The following DGKI variants were observed in gnomAD, a reference collection of about 807,000 sequenced individuals.
DGKI encodes the protein diacylglycerol kinase iota, also known as DAG kinase iota.
DGKI carries 55 observed loss-of-function variants against 147.5 expected under a neutral mutation model. The ratio of observed to expected loss-of-function variants is 0.37; its 90% CI spans 0.30 to 0.47. The LOEUF (loss-of-function observed/expected upper bound fraction) is 0.47, where lower values mean the gene tolerates loss of function less well. Ranked by LOEUF, DGKI falls within the 20% of genes least tolerant of loss-of-function variation. The pLI, the probability that DGKI is intolerant of heterozygous loss-of-function variation, is 1.00. For missense variants in DGKI, 1,007 were observed against 1,323.8 expected (o/e 0.76, Z 3.71); for synonymous variants, 469 against 477.1 (o/e 0.98, Z 0.22).
intron 1 of DGKI, among the ~76,000 whole-genome samples, chr7:137,798,188 G>A (rs1797090410): frequency 6.6e-6 from 1 of 152,128 alleles, no homozygotes; most frequent in South Asian, 2.1e-4. Flanking sequence ...CAAAGAGACT[G>A]AATTAGTAAT....
At chr7:137,482,762 T>C (rs1180300925) in intron 23 of DGKI, among the ~76,000 whole-genome samples, 2 of 152,044 alleles carry the variant, frequency 1.3e-5, no homozygotes, top group African/African-American at 4.8e-5. Flanking sequence ...TAACACAGTC[T>C]CTTTTTCTTT....
intron 27 of DGKI, among the ~76,000 whole-genome samples, chr7:137,449,103 T>C (rs1051746577): frequency 2.9e-4 from 44 of 152,138 alleles, no homozygotes; most frequent in African/African-American, 1.0e-3. Flanking sequence ...CCTATAAAAA[T>C]ACCAAAGACA....
At chr7:137,580,728 C>G (rs996562427) in intron 15 of DGKI, among the ~76,000 whole-genome samples, 1 of 152,098 alleles carries the variant, frequency 6.6e-6, no homozygotes, top group African/African-American at 2.4e-5. Context: ...CTCTTGACTT[C>G]TAGTGCATAA....
At chr7:137,682,175 G>A (rs1258717502) in intron 2 of DGKI, among the ~76,000 whole-genome samples, 2 of 152,032 alleles carry the variant, frequency 1.3e-5, no homozygotes, top group East Asian at 3.9e-4. Context: ...TGCAACTGAT[G>A]TCAGAAGACA....
At chr7:137,508,565 T>C (rs1455145477) in intron 21 of DGKI, among the ~76,000 whole-genome samples, 2 of 152,226 alleles carry the variant, frequency 1.3e-5, no homozygotes, top group Middle Eastern at 3.4e-3. Context: ...GAACACTTGT[T>C]TCTTAGAGCA....
chr7:137,420,624 GA>G (rs544947554), intron 28 of DGKI, among the ~76,000 whole-genome samples: 39 of 143,500 alleles, frequency 2.7e-4, no homozygotes, highest in African/African-American at 4.3e-4. Flanking sequence ...TTTTGGAGAA[GA>G]AAAAAAAAAA....
chr7:137,834,445 T>C (rs1451478787), intron 1 of DGKI, among the ~76,000 whole-genome samples: 4 of 152,210 alleles, frequency 2.6e-5, no homozygotes, highest in Non-Finnish European at 4.4e-5. Flanking sequence ...AGCACCACAA[T>C]GGGAATAACC....
At chr7:137,698,597 T>G (rs1823873939) in intron 1 of DGKI, among the ~76,000 whole-genome samples, 1 of 152,094 alleles carries the variant, frequency 6.6e-6, no homozygotes, top group African/African-American at 2.4e-5. Context: ...GGGGCTCAGA[T>G]GTGGACCAGC....
chr7:137,669,191 C>T (rs1220690784), intron 3 of DGKI, among the ~76,000 whole-genome samples: 1 of 152,164 alleles, frequency 6.6e-6, no homozygotes, highest in Non-Finnish European at 1.5e-5. Flanking sequence ...GGCATCAATG[C>T]AGGATTTTCC....
At chr7:137,578,112 T>G (rs560470719) in intron 16 of DGKI, among the ~76,000 whole-genome samples, 158 bp downstream of exon 16, 1 of 152,318 alleles carries the variant, frequency 6.6e-6, no homozygotes, top group South Asian at 2.1e-4. Flanking sequence ...TACACCTCAC[T>G]TTCATTCTTA....
chr7:137,552,752 T>TCCAAAAA lies in DGKI; in HGVS notation c.1948-185_1948-184insTTTTTGG, dbSNP rs777780004. On this transcript the variant is annotated intron_variant, in intron 19 of 32. Transcript: ENST00000614521. Reference sequence around the variant, plus strand: ...GGCGAGACCCGGTCTCTACTAAAAATACAAAAAAAAAAAAAAGCTGGGCAT... The same window carrying TCCAAAAA: ...GGCGAGACCCGGTCTCTACTAAAAATCCAAAAAACAAAAAAAAAAAAAAGCTGGGCAT... Among the ~76,000 whole-genome samples the TCCAAAAA allele has an allele frequency of 3.3e-5, 4 of 121,284 alleles. 1 individual carries two copies. Among genetic ancestry groups the TCCAAAAA allele is most frequent in the African/African-American group, 1.2e-4 (4 of 33,106 alleles). 79.6% of individuals were successfully genotyped at this position (121,284 alleles called of 152,430 possible). A position where few individuals can be genotyped will look rare whatever the true frequency, so the allele number is the denominator to read the frequency against.
In DGKI at chr7:137,583,740, C is replaced by A. The variant is rs1819286158; in HGVS notation, c.1563+1469G>T. 2.6e-5 allele frequency among the ~76,000 whole-genome samples: 4 copies of A among 152,056 alleles called. No individual in the cohort carries two copies. In the South Asian group the frequency reaches 8.3e-4, roughly 31 times the overall value. On this transcript the variant is annotated intron_variant, in intron 14 of 32. Coordinates refer to ENST00000614521, the MANE Select transcript of DGKI (RefSeq NM_001321708.2). ...CAAGTTTAGTAGGAAAAGAAACTTA[C>A]AATATCCATATGGTACTCTTCTTTA... is the stretch of plus-strand genomic sequence containing the variant.
intron 8 of DGKI, among the ~76,000 whole-genome samples, chr7:137,617,902 C>T (rs953052440): frequency 4.6e-5 from 7 of 151,272 alleles, no homozygotes; most frequent in Admixed American, 1.3e-4. Context: ...AAAAGAATGG[C>T]AGAAAAGTTG....
At chr7:137,841,063 T>A (rs533131084) in intron 1 of DGKI, among the ~76,000 whole-genome samples, 1 of 152,376 alleles carries the variant, frequency 6.6e-6, no homozygotes, top group African/African-American at 2.4e-5. Flanking sequence ...AGGAGTTACA[T>A]AGCTTGTCTG....
intron 1 of DGKI, among the ~76,000 whole-genome samples, chr7:137,782,293 T>C (rs1796542365): frequency 6.6e-6 from 1 of 152,110 alleles, no homozygotes; most frequent in African/African-American, 2.4e-5. Context: ...CTGCAGGCTG[T>C]GTGGACGATG....
rs184412460 is a variant in DGKI at position 137,835,207 on chromosome 7, T to C, written c.401+11255A>G. ...TGAGATGGTATCGGTGAATGTCAAATACAGCCTCAAAACGTACCTGTTTGT... is the reference window on the plus strand; with the variant it reads ...TGAGATGGTATCGGTGAATGTCAAACACAGCCTCAAAACGTACCTGTTTGT... On this transcript the variant is annotated intron_variant, in intron 1 of 32. Transcript: ENST00000614521. 2.4e-4 allele frequency among the ~76,000 whole-genome samples: 37 copies of C among 152,318 alleles called. No homozygotes were observed. In the East Asian group the frequency reaches 6.7e-3, roughly 28 times the overall value.
At chr7:137,700,878 C>T (rs576194117) in intron 1 of DGKI, among the ~76,000 whole-genome samples, 12 of 146,636 alleles carry the variant, frequency 8.2e-5, no homozygotes, top group East Asian at 6.1e-4. Flanking sequence ...AGCTCCGTCT[C>T]AAATAAATAA....
At chr7:137,674,193 G>T (rs567753540) in intron 3 of DGKI, among the ~76,000 whole-genome samples, 7 of 152,106 alleles carry the variant, frequency 4.6e-5, no homozygotes, top group Non-Finnish European at 1.0e-4. Flanking sequence ...ATTCCATTAC[G>T]TATCTGCTCA....
At chr7:137,764,378 T>C (rs1020740104) in intron 1 of DGKI, among the ~76,000 whole-genome samples, 1 of 152,226 alleles carries the variant, frequency 6.6e-6, no homozygotes, top group African/African-American at 2.4e-5. Context: ...TTGCCAAATA[T>C]ACACATCTAA....
Sources: gnomAD v4.1 joint callset for allele counts (sites outside exome capture counted in the v4.1 genomes callset) on GRCh38, gnomAD v4.1.1 for gene constraint, MANE v1.5 for transcripts, NCBI Gene and HGNC (gene_info 2026-07-23, HGNC 2026-07-21) for gene names.